The following MYRIP variants were observed in gnomAD, a reference collection of about 807,000 sequenced individuals.
MYRIP encodes myosin VIIA and Rab interacting protein.
MYRIP carries 49 observed loss-of-function variants against 98.0 expected under a neutral mutation model. The ratio of observed to expected loss-of-function variants is 0.50; its 90% CI spans 0.40 to 0.63. The LOEUF (loss-of-function observed/expected upper bound fraction) is 0.63. MYRIP is among the 30% of genes least tolerant of loss of function. The pLI, the probability that MYRIP is intolerant of heterozygous loss-of-function variation, is 0.00. For missense variants in MYRIP, 1,004 were observed against 1,058.2 expected, an observed-to-expected ratio of 0.95 and a Z score of 0.71; for synonymous variants, 404 against 409.5, an observed-to-expected ratio of 0.99 and a Z score of 0.16.
At chr3:39,906,561 T>G (rs1943883472) in intron 2 of MYRIP, among the ~76,000 whole-genome samples, 1 of 152,218 alleles carries the variant, frequency 6.6e-6, no homozygotes, top group South Asian at 2.1e-4. Context: ...GCTTTCCCAG[T>G]AATGAAATAT....
Position 40,244,441 on chromosome 3 carries a change from T to C in MYRIP, c.2101-5T>C. 1 of 1,609,872 alleles carries C rather than the reference T, an allele frequency of 6.2e-7. No homozygotes were observed. The highest frequency in any genetic ancestry group is 8.5e-7 in the Non-Finnish European group (1 of 1,177,902). On this transcript the variant is annotated splice_polypyrimidine_tract_variant and splice_region_variant and intron_variant, in intron 12 of 16. Transcript: ENST00000302541. ...ATGAACTCAAATGTAGCACTGTCTC[T>C]ACAGGTATACCTGGCAGCAGGCACT...
At chr3:39,814,893 C>T (rs1249341117) in intron 1 of MYRIP, among the ~76,000 whole-genome samples, 2 of 152,124 alleles carry the variant, frequency 1.3e-5, no homozygotes, top group Non-Finnish European at 2.9e-5. Flanking sequence ...ATGGACATGG[C>T]CTATCTCTAT....
At position 40,102,821 on chromosome 3, in the gene MYRIP, C is replaced by A. The variant is rs536973118; in HGVS notation, c.333-48227C>A. Among the ~76,000 whole-genome samples, 5 of 152,044 alleles carry A rather than the reference C, an allele frequency of 3.3e-5. No homozygotes were observed. The South Asian group carries it at 1.0e-3, about 32-fold the overall frequency. On this transcript the variant is annotated intron_variant, in intron 3 of 16. Coordinates refer to ENST00000302541, the MANE Select transcript of MYRIP (RefSeq NM_015460.4). ...TTATTTTGACCCACATTAAGAAGTT[C>A]TATTTACTCTCACAATCTAAGAGAC...
chr3:40,177,980 T>A (rs1950804292), intron 8 of MYRIP, among the ~76,000 whole-genome samples: 1 of 152,220 alleles, frequency 6.6e-6, no homozygotes, highest in Non-Finnish European at 1.5e-5. Context: ...GTACTTTTTG[T>A]CATTGCTATA....
chr3:40,037,027 T>C (rs1947399725), intron 2 of MYRIP, among the ~76,000 whole-genome samples: 1 of 151,674 alleles, frequency 6.6e-6, no homozygotes, highest in Non-Finnish European at 1.5e-5. Context: ...AGAAAACCAA[T>C]CAATCTGATA....
At position 40,130,631 on chromosome 3, in the gene MYRIP, C is replaced by T. The variant is rs546069278; in HGVS notation, c.333-20417C>T. Among the ~76,000 whole-genome samples the T allele has an allele frequency of 4.1e-4, 63 of 152,078 alleles. No homozygotes were observed. In the Middle Eastern group the frequency reaches 0.01, roughly 25 times the overall value. The stretch of plus-strand genomic sequence containing the variant: ...TCCTGACCTCGTGATCCGCCCGCCT[C>T]GGCCTCCCAAAGTGCTGGGATTACA... On this transcript the variant is annotated intron_variant, in intron 3 of 16. Transcript: ENST00000302541.
chr3:40,166,804 C>G (rs1470092490), intron 5 of MYRIP, 42 bp from the exon 6 acceptor site: 1 of 1,305,804 alleles, frequency 7.7e-7, no homozygotes, highest in Non-Finnish European at 1.1e-6. Context: ...TTTTACTCAT[C>G]ATTCCCTTTT....
At chr3:40,189,175 C>T (rs148347161) in intron 9 of MYRIP, among the ~76,000 whole-genome samples, 1 of 152,326 alleles carries the variant, frequency 6.6e-6, no homozygotes, top group African/African-American at 2.4e-5. Context: ...AGCTCTGTGA[C>T]CTTTAACAGT....
intron 3 of MYRIP, among the ~76,000 whole-genome samples, chr3:40,077,817 CACCAG>C (rs1172828841): frequency 6.6e-6 from 1 of 152,284 alleles, no homozygotes; most frequent in Non-Finnish European, 1.5e-5. Flanking sequence ...TCCACGTCTC[CACCAG>C]ACTCAGGAGC....
At chr3:39,911,955 C>A (rs1032793018) in intron 2 of MYRIP, among the ~76,000 whole-genome samples, 2 of 152,206 alleles carry the variant, frequency 1.3e-5, no homozygotes, top group South Asian at 2.1e-4. Context: ...AACAACCTCT[C>A]CCTGACTGTC....
At chr3:40,042,191 A>G (rs538189547) in intron 2 of MYRIP, among the ~76,000 whole-genome samples, 44 of 149,852 alleles carry the variant, frequency 2.9e-4, no homozygotes, top group South Asian at 1.3e-3. Flanking sequence ...TGCTTATAAC[A>G]TGTACAATGT....
intron 3 of MYRIP, among the ~76,000 whole-genome samples, chr3:40,095,020 A>C (rs12486257): frequency 0.095 from 14,391 of 151,960 alleles, 775 homozygotes; most frequent in East Asian, 0.23. Context: ...TCTCCTCCTC[A>C]CCTAATTGCT....
chr3:40,218,617 TATATATA>T (rs1952211701), intron 11 of MYRIP, among the ~76,000 whole-genome samples: 2 of 10,960 alleles, frequency 1.8e-4, no homozygotes, highest in African/African-American at 2.0e-4. Context: ...ATATTTTATA[TATATATA>T]TATATATATA....
At position 39,979,659 on chromosome 3, in the gene MYRIP, A is replaced by C. The variant is rs1559546325; in HGVS notation, c.111-64391A>C. On this transcript the variant is annotated intron_variant, in intron 2 of 16. Transcript: ENST00000302541. ...ATCTCAAAAACCAAAACAAAACAAA[A>C]AAAAAAAAACAAAAAAAAACTAAGC... Among the ~76,000 whole-genome samples, 6 of 151,794 alleles carry C rather than the reference A, an allele frequency of 4.0e-5. 1 individual carries two copies. Among genetic ancestry groups the C allele is most frequent in the Non-Finnish European group, 4.4e-5 (3 of 67,926 alleles).
At chr3:40,200,607 T>C (rs1951528254) in intron 10 of MYRIP, among the ~76,000 whole-genome samples, 1 of 152,218 alleles carries the variant, frequency 6.6e-6, no homozygotes. Flanking sequence ...CAGGGCTAAC[T>C]ATCAACTATG....
chr3:40,121,574 C>T (rs561178833), intron 3 of MYRIP, among the ~76,000 whole-genome samples: 1 of 152,256 alleles, frequency 6.6e-6, no homozygotes, highest in African/African-American at 2.4e-5. Context: ...ACCCTCTCCT[C>T]CTGAGGTCCT....
At chr3:39,887,928 A>G (rs1943356134) in intron 1 of MYRIP, among the ~76,000 whole-genome samples, 1 of 151,838 alleles carries the variant, frequency 6.6e-6, no homozygotes, top group South Asian at 2.1e-4. Context: ...CCCATTCACA[A>G]TTGCTTCAAA....
At chr3:39,953,306 T>C (rs932522085) in intron 2 of MYRIP, among the ~76,000 whole-genome samples, 2 of 152,214 alleles carry the variant, frequency 1.3e-5, no homozygotes, top group African/African-American at 4.8e-5. Flanking sequence ...TTATGTGCCT[T>C]CGGTCTGTTT....
At chr3:40,074,445 G>T (rs1010001459) in intron 3 of MYRIP, among the ~76,000 whole-genome samples, 1 of 151,938 alleles carries the variant, frequency 6.6e-6, no homozygotes. Flanking sequence ...AAATTTAAAT[G>T]GTACATATTA....
Sources: allele counts gnomAD v4.1 joint callset (sites outside exome capture counted in the v4.1 genomes callset), GRCh38; gene constraint gnomAD v4.1.1; transcripts MANE v1.5; gene names NCBI Gene and HGNC (gene_info 2026-07-23, HGNC 2026-07-21).